SLC39A10: variants seen among roughly 807,000 people sequenced by gnomAD.
SLC39A10 encodes the protein zinc transporter ZIP10.
A neutral mutation model predicts 65.1 loss-of-function variants in SLC39A10; 13 were observed. That is an observed-to-expected ratio of 0.20 (90% confidence interval 0.13 to 0.32). SLC39A10 has a LOEUF of 0.32. Ranked by LOEUF, SLC39A10 falls within the 10% of genes least tolerant of loss-of-function variation. The pLI is 1.00. For missense variants in SLC39A10, 831 were observed against 1,018.4 expected, an observed-to-expected ratio of 0.82 and a Z score of 2.50; for synonymous variants, 321 against 342.2, an observed-to-expected ratio of 0.94 and a Z score of 0.68.
At chr2:195,639,864 T>C (rs1430256896) in intron 2 of SLC39A10, among the ~76,000 whole-genome samples, 1 of 152,240 alleles carries the variant, frequency 6.6e-6, no homozygotes, top group African/African-American at 2.4e-5. Context: ...AGTGCCCAAC[T>C]GCTCTTAATA....
intron 1 of SLC39A10, among the ~76,000 whole-genome samples, chr2:195,662,813 C>G (rs188385688): frequency 6.6e-6 from 1 of 152,234 alleles, no homozygotes; most frequent in African/African-American, 2.4e-5. Context: ...TGGAACAAAA[C>G]TTGCTTATTG....
At chr2:195,684,165 T>C (rs1238064008) in intron 3 of SLC39A10, among the ~76,000 whole-genome samples, 4 of 152,030 alleles carry the variant, frequency 2.6e-5, no homozygotes, top group Admixed American at 6.5e-5. Flanking sequence ...AAATGAAATA[T>C]AGATTTGTGA....
chr2:195,653,907 G>T (rs1251114764), upstream of SLC39A10, among the ~76,000 whole-genome samples: 1 of 152,142 alleles, frequency 6.6e-6, no homozygotes, highest in Non-Finnish European at 1.5e-5. Flanking sequence ...TGAAAGGCCT[G>T]ATTTCTTAGA....
At chr2:195,653,570 C>T (rs1559016497), upstream of SLC39A10, among the ~76,000 whole-genome samples, 1 of 152,148 alleles carries the variant, frequency 6.6e-6, no homozygotes, top group Non-Finnish European at 1.5e-5. Flanking sequence ...GCTGGGATTA[C>T]AAGCGTGAGC....
chr2:195,689,978 AC>A (rs1386868017), intron 3 of SLC39A10, among the ~76,000 whole-genome samples: 1 of 152,018 alleles, frequency 6.6e-6, no homozygotes, highest in Non-Finnish European at 1.5e-5. Flanking sequence ...GGAGTTCGAG[AC>A]CAGCCTGACC....
intron 2 of SLC39A10, among the ~76,000 whole-genome samples, chr2:195,615,242 G>A (rs1688180552): frequency 6.6e-6 from 1 of 152,160 alleles, no homozygotes; most frequent in African/African-American, 2.4e-5. Flanking sequence ...GATTGGGTAG[G>A]TTCAGAGTGA....
intron 8 of SLC39A10, among the ~76,000 whole-genome samples, chr2:195,724,889 A>G (rs956058501): frequency 5.3e-5 from 8 of 152,164 alleles, no homozygotes; most frequent in African/African-American, 1.9e-4. Context: ...AAGATTTACT[A>G]TAAAGCCACC....
chr2:195,647,994 T>G (rs1688959748), intron 2 of SLC39A10, among the ~76,000 whole-genome samples: 2 of 152,254 alleles, frequency 1.3e-5, no homozygotes, highest in South Asian at 2.1e-4. Flanking sequence ...TTCATTTAAT[T>G]AATGAATTAA....
At chr2:195,711,895 G>A (rs947280630) in intron 5 of SLC39A10, among the ~76,000 whole-genome samples, 2 of 151,458 alleles carry the variant, frequency 1.3e-5, no homozygotes, top group African/African-American at 2.4e-5. Flanking sequence ...CATGGTTGCC[G>A]TTTTTTTTCT....
intron 8 of SLC39A10, among the ~76,000 whole-genome samples, chr2:195,726,163 G>A (rs539584712): frequency 6.6e-6 from 1 of 152,234 alleles, no homozygotes; most frequent in East Asian, 1.9e-4. Context: ...TTGTTACTTA[G>A]GAAGGAACTT....
chr2:195,664,499 A>C (rs1689556506), intron 1 of SLC39A10, among the ~76,000 whole-genome samples: 1 of 152,186 alleles, frequency 6.6e-6, no homozygotes, highest in South Asian at 2.1e-4. Context: ...TATACATGAA[A>C]GGGAAAACAT....
At chr2:195,699,343 T>C (rs1157769753) in intron 3 of SLC39A10, among the ~76,000 whole-genome samples, 1 of 151,916 alleles carries the variant, frequency 6.6e-6, no homozygotes, top group Non-Finnish European at 1.5e-5. Flanking sequence ...GCTTATTTTG[T>C]TCTTCTTTTT....
chr2:195,624,311 T>A (rs766139563), intron 2 of SLC39A10, among the ~76,000 whole-genome samples: 1 of 140,866 alleles, frequency 7.1e-6, no homozygotes. Context: ...CACTTGAACC[T>A]GGGAGGCAGA....
intron 1 of SLC39A10, among the ~76,000 whole-genome samples, chr2:195,660,932 T>A (rs965467420): frequency 2.5e-4 from 38 of 152,318 alleles, no homozygotes; most frequent in Non-Finnish European, 4.7e-4. Context: ...AGCTTTTTTT[T>A]AAAATTCGAA....
chr2:195,671,929 C>T (rs1196120070), intron 1 of SLC39A10, among the ~76,000 whole-genome samples: 2 of 151,686 alleles, frequency 1.3e-5, no homozygotes, highest in Non-Finnish European at 2.9e-5. Context: ...ATGACTGGAG[C>T]GGAGCTGCAC....
intron 2 of SLC39A10, among the ~76,000 whole-genome samples, chr2:195,624,824 A>G (rs963668349): frequency 1.4e-5 from 2 of 143,528 alleles, no homozygotes; most frequent in Admixed American, 7.4e-5. Flanking sequence ...GATTGCAGTG[A>G]GCCGAGATCC....
chr2:195,678,562 GT>G lies in SLC39A10; in HGVS notation c.-11-1454del, dbSNP rs61430237. ...GTCTGCAGCCTGCCTTTTTAGTTAG[GT>G]TTTTTTTTTTTTTTTGGATGTCTCT... On this transcript the variant is annotated intron_variant, in intron 1 of 9. Coordinates refer to ENST00000359634, the MANE Select transcript of SLC39A10 (RefSeq NM_020342.3). 3.4e-3 allele frequency among the ~76,000 whole-genome samples: 437 copies of G among 127,984 alleles called. 3 individuals carry two copies. In the South Asian group the frequency reaches 0.038, roughly 11 times the overall value. The allele number at this position is 127,984 out of a possible 152,430, so 84.0% of individuals were successfully genotyped here.
chr2:195,728,494 A>G lies in SLC39A10; in HGVS notation c.2337+145A>G. The G allele has an allele frequency of 1.3e-6, 1 of 747,112 alleles. No individual in the cohort carries two copies. The highest frequency in any genetic ancestry group is 2.0e-6 in the Non-Finnish European group (1 of 488,800). 46.3% of individuals were successfully genotyped at this position (747,112 alleles called of 1,614,324 possible). ...ATAATCTCTTAAGGAAGGACATTTAAGTAGGAGGTTTCCTTTTATGGAAAC... is the reference window on the plus strand; with the variant it reads ...ATAATCTCTTAAGGAAGGACATTTAGGTAGGAGGTTTCCTTTTATGGAAAC... On this transcript the variant is annotated intron_variant, in intron 9 of 9. Coordinates refer to ENST00000359634, the MANE Select transcript of SLC39A10 (RefSeq NM_020342.3). This position sits in a 1 kb window ranked among gnomAD's most constrained non-coding sequence, Gnocchi z 4.4.
chr2:195,722,867 T>G (rs1692095133), intron 8 of SLC39A10, among the ~76,000 whole-genome samples: 1 of 152,246 alleles, frequency 6.6e-6, no homozygotes. Context: ...TCCAATTACA[T>G]TGCAATACAT....
Sources: allele counts gnomAD v4.1 joint callset (sites outside exome capture counted in the v4.1 genomes callset), GRCh38; gene constraint gnomAD v4.1.1; non-coding constraint Gnocchi (gnomAD v3.1); transcripts MANE v1.5; gene names NCBI Gene and HGNC (gene_info 2026-07-23, HGNC 2026-07-21).